Variants in ANAPC5 observed in about 807,000 individuals in gnomAD.
ANAPC5 encodes the protein anaphase promoting complex subunit 5.
Under a neutral mutation model 91.3 loss-of-function variants are expected in ANAPC5, and 60 were observed. The ratio of observed to expected loss-of-function variants is 0.66; its 90% CI spans 0.53 to 0.81. The LOEUF (loss-of-function observed/expected upper bound fraction) is 0.81, where lower values mean the gene tolerates loss of function less well. Ranked by LOEUF, ANAPC5 falls within the 40% of genes least tolerant of loss-of-function variation. ANAPC5 has a pLI of 0.00. For synonymous variants in ANAPC5, 340 were observed against 364.1 expected, an observed-to-expected ratio of 0.93 and a Z score of 0.75; for missense variants, 690 against 931.5, an observed-to-expected ratio of 0.74 and a Z score of 3.37.
intron 5 of ANAPC5, 60 bp from the exon 6 acceptor site, chr12:121,337,452 A>C: frequency 8.0e-7 from 1 of 1,249,142 alleles, no homozygotes; most frequent in Non-Finnish European, 1.2e-6. Context: ...ATGAAAAGAT[A>C]TACTAACTAG....
chr12:121,315,385 TAC>T (rs1234344151), intron 15 of ANAPC5, among the ~76,000 whole-genome samples: 1 of 152,204 alleles, frequency 6.6e-6, no homozygotes, highest in African/African-American at 2.4e-5. Context: ...CAGATTCAAA[TAC>T]AATCCCTATC....
chr12:121,308,265 T>C lies in ANAPC5; in HGVS notation c.*215A>G. ...CTAACTTGTTAGCAAAATACCCATT[T>C]ATTAAGAAAAAGTTGGTGTCCTTTG... On this transcript the variant is annotated 3_prime_UTR_variant, in exon 17 of 17. Transcript: ENST00000261819. The C allele has an allele frequency of 1.9e-6, 1 of 534,746 alleles. No homozygotes were observed. The highest frequency in any genetic ancestry group is 2.3e-5 in the South Asian group (1 of 43,422). The allele number at this position is 534,746 out of a possible 1,614,324, so 33.1% of individuals were successfully genotyped here. A position where few individuals can be genotyped will look rare whatever the true frequency, so the allele number is the denominator to read the frequency against.
chr12:121,351,245 C>T (rs1903880778), intron 1 of ANAPC5: 1 of 333,156 alleles, frequency 3.0e-6, no homozygotes, highest in Non-Finnish European at 5.9e-6. Flanking sequence ...TAGTGACCCG[C>T]GCCTGTACTC....
intron 5 of ANAPC5, among the ~76,000 whole-genome samples, chr12:121,339,688 C>G (rs1393752886): frequency 1.3e-5 from 2 of 151,962 alleles, no homozygotes; most frequent in Non-Finnish European, 1.5e-5. Context: ...AGGCTGGTCT[C>G]GAACTCCTGA....
At chr12:121,325,347 C>G (rs1367199946) in intron 11 of ANAPC5, among the ~76,000 whole-genome samples, 1 of 152,020 alleles carries the variant, frequency 6.6e-6, no homozygotes, top group Non-Finnish European at 1.5e-5. Context: ...CCTGTAATCC[C>G]AGCTACCTGG....
At chr12:121,320,601 T>C (rs959086529) in intron 11 of ANAPC5, 142 bp from the exon 12 acceptor site, 7 of 585,966 alleles carry the variant, frequency 1.2e-5, no homozygotes, top group Non-Finnish European at 2.0e-5. Context: ...CTCAAATTTC[T>C]TTTCTTTCTT....
At chr12:121,348,383 G>A (rs936725338) in intron 1 of ANAPC5, among the ~76,000 whole-genome samples, 1 of 152,204 alleles carries the variant, frequency 6.6e-6, no homozygotes, top group East Asian at 1.9e-4. Context: ...TATGACGAGA[G>A]GCCGGGCACA....
chr12:121,354,113 C>T (rs1250571303), upstream of ANAPC5, among the ~76,000 whole-genome samples: 2 of 151,848 alleles, frequency 1.3e-5, no homozygotes, highest in African/African-American at 2.4e-5. Context: ...CTCAGCCTCC[C>T]GAGTAGCTGG....
chr12:121,352,457 A>G (rs544389213), upstream of ANAPC5: 15 of 824,870 alleles, frequency 1.8e-5, no homozygotes, highest in Admixed American at 2.8e-5. Context: ...GGAAACAGAC[A>G]TCCGCGTGCT....
Position 121,342,780 on chromosome 12 carries a change from T to C in ANAPC5, c.591-711A>G, listed in dbSNP as rs1903507866. On this transcript the variant is annotated intron_variant, in intron 4 of 16. Transcript: ENST00000261819. This position sits in a 1 kb window ranked among gnomAD's most constrained non-coding sequence, Gnocchi z 4.1. ...AGGCTGAGGCAGAAAAATTGTTTGA[T>C]CCCGGGAGGTGGAGGTTGCAGCGAG... Among the ~76,000 whole-genome samples, 1 of 151,838 alleles carries C rather than the reference T, an allele frequency of 6.6e-6. No individual in the cohort carries two copies. Among genetic ancestry groups the C allele is most frequent in the South Asian group, 2.1e-4 (1 of 4,812 alleles).
At chr12:121,314,062 C>T (rs551333341) in intron 15 of ANAPC5, among the ~76,000 whole-genome samples, 4 of 152,220 alleles carry the variant, frequency 2.6e-5, no homozygotes, top group Non-Finnish European at 5.9e-5. Flanking sequence ...AAATTTACTC[C>T]AGGAATGCAA....
At chr12:121,332,446 T>G (rs1903076434) in intron 7 of ANAPC5, 2 of 152,220 alleles carry the variant, frequency 1.3e-5, no homozygotes, top group South Asian at 4.1e-4. Flanking sequence ...AGTAAGAGTG[T>G]TACTCAGGAA....
intron 1 of ANAPC5, among the ~76,000 whole-genome samples, chr12:121,349,321 G>C (rs1903795639): frequency 6.6e-6 from 1 of 152,124 alleles, no homozygotes; most frequent in Non-Finnish European, 1.5e-5. Context: ...AGCACTTTGG[G>C]AAGCTGAGGC....
intron 1 of ANAPC5, among the ~76,000 whole-genome samples, chr12:121,350,014 T>C (rs1378988960): frequency 6.6e-6 from 1 of 152,054 alleles, no homozygotes; most frequent in Non-Finnish European, 1.5e-5. Context: ...GCCTTTTATT[T>C]ACCAAAATTT....
At chr12:121,319,554 C>A (rs1902513851) in intron 13 of ANAPC5, 143 bp downstream of exon 13, 2 of 847,756 alleles carry the variant, frequency 2.4e-6, no homozygotes, top group Non-Finnish European at 1.7e-6. Context: ...GTCACCATGC[C>A]CAGCTGCTTA....
chr12:121,318,161 A>C, intron 15 of ANAPC5, 116 bp downstream of exon 15: 2 of 1,253,236 alleles, frequency 1.6e-6, no homozygotes, highest in Non-Finnish European at 2.1e-6. Flanking sequence ...CTACCTTTCC[A>C]GACGTCAATA....
At chr12:121,337,986 T>C (rs367817165) in intron 5 of ANAPC5, among the ~76,000 whole-genome samples, 3 of 152,216 alleles carry the variant, frequency 2.0e-5, no homozygotes, top group East Asian at 3.8e-4. Flanking sequence ...ATATAAAATA[T>C]GTAGAAAGTT....
In ANAPC5 at chr12:121,318,269, C is replaced by A. The variant is rs758553252; in HGVS notation, c.1893+8G>T. ...AAATATGTGCTATAAAAACAGAGAT[C>A]GGCTTACCTGCGCAAAAGCCAAGTT... On this transcript the variant is annotated splice_region_variant and intron_variant, in intron 15 of 16. Transcript: ENST00000261819. The A allele has an allele frequency of 7.9e-6, 12 of 1,514,870 alleles. No individual in the cohort carries two copies. In the East Asian group the frequency reaches 2.3e-4, roughly 29 times the overall value. 93.8% of individuals were successfully genotyped at this position (1,514,870 alleles called of 1,614,324 possible). A position where few individuals can be genotyped will look rare whatever the true frequency, so the allele number is the denominator to read the frequency against.
In ANAPC5 at chr12:121,308,464, A is replaced by G. The variant is rs772514778; in HGVS notation, c.*16T>C. 18 of 1,611,748 alleles carry G rather than the reference A, an allele frequency of 1.1e-5. No individual in the cohort carries two copies. In the Admixed American group the frequency reaches 2.8e-4, roughly 25 times the overall value. ...AATCTTATACTCTGCACAGCAGCCC[A>G]GCAGGGATGTCCTCTCTAGAGATGG... On this transcript the variant is annotated 3_prime_UTR_variant, in exon 17 of 17. Transcript: ENST00000261819.
Sources: gnomAD v4.1 joint callset for allele counts (sites outside exome capture counted in the v4.1 genomes callset) on GRCh38, gnomAD v4.1.1 for gene constraint, Gnocchi (gnomAD v3.1) non-coding constraint, MANE v1.5 for transcripts, NCBI Gene and HGNC (gene_info 2026-07-23, HGNC 2026-07-21) for gene names.